PDE1C: variants seen among roughly 807,000 people sequenced by gnomAD.
The protein encoded by PDE1C is phosphodiesterase 1C.
A neutral mutation model predicts 93.1 loss-of-function variants in PDE1C; 62 were observed. The observed-to-expected ratio is 0.67, with a 90% CI of 0.54 to 0.82. The LOEUF (loss-of-function observed/expected upper bound fraction) is 0.82. PDE1C is among the 40% of genes least tolerant of loss of function. The pLI, the probability that PDE1C is intolerant of heterozygous loss-of-function variation, is 0.00. For missense variants in PDE1C, 742 were observed against 884.6 expected (o/e 0.84, Z 2.04); for synonymous variants, 325 against 310.1 (o/e 1.05, Z -0.50).
At chr7:32,345,726 T>A (rs563065860) in intron 1 of PDE1C, among the ~76,000 whole-genome samples, 16 of 152,222 alleles carry the variant, frequency 1.1e-4, no homozygotes, top group Non-Finnish European at 1.8e-4. Context: ...AATATATGGA[T>A]AGTAAATAAA....
At chr7:31,878,953 T>G in intron 4 of PDE1C, 43 bp downstream of exon 4, 2 of 1,570,966 alleles carry the variant, frequency 1.3e-6, no homozygotes, top group Non-Finnish European at 1.7e-6. Flanking sequence ...ACGTGTTGCT[T>G]TGGCTGCTTT....
chr7:31,639,491 C>T, the PDE1C span, among the ~76,000 whole-genome samples: 1 of 150,182 alleles, frequency 6.7e-6, no homozygotes, highest in Non-Finnish European at 1.5e-5. Context: ...TTTCCTCTAG[C>T]TTCTTGAACA....
chr7:32,070,230 C>T lies in PDE1C; in HGVS notation c.101+63G>A, dbSNP rs1795870512. 2.5e-6 allele frequency: 4 copies of T among 1,608,222 alleles called. No homozygotes were observed. The East Asian group carries it at 8.9e-5, about 36-fold the overall frequency. On this transcript the variant is annotated intron_variant, in intron 1 of 17. Transcript: ENST00000396191. ...ACAGGGTGAGCAGTCGTGACTGCGGCTGTGTGGTAAAATAAGGATGGGAGC... is the reference window on the plus strand; with the variant it reads ...ACAGGGTGAGCAGTCGTGACTGCGGTTGTGTGGTAAAATAAGGATGGGAGC...
At chr7:32,209,108 T>C (rs1212592673) in intron 2 of PDE1C, among the ~76,000 whole-genome samples, 1 of 152,234 alleles carries the variant, frequency 6.6e-6, no homozygotes, top group East Asian at 1.9e-4. Flanking sequence ...TCTCAAACTC[T>C]AATGTGAACA....
chr7:31,665,565 C>A, the PDE1C span, among the ~76,000 whole-genome samples: 1 of 152,154 alleles, frequency 6.6e-6, no homozygotes, highest in Admixed American at 6.5e-5. Flanking sequence ...TCTCTATGCA[C>A]AAACAAGGCA....
In PDE1C at chr7:31,872,334, C is replaced by G. The variant is rs190820800; in HGVS notation, c.609+958G>C. 3.4e-3 allele frequency among the ~76,000 whole-genome samples: 511 copies of G among 152,054 alleles called. 5 individuals carry two copies. Among genetic ancestry groups the G allele is most frequent in the Middle Eastern group, 0.014 (4 of 294 alleles). ...GTTCAGTAGCAGAATAGGGTGACTACAGTTAACAAGAATGTATTGTGCATT... is the reference window on the plus strand; with the variant it reads ...GTTCAGTAGCAGAATAGGGTGACTAGAGTTAACAAGAATGTATTGTGCATT... On this transcript the variant is annotated intron_variant, in intron 6 of 17. Transcript: ENST00000396191.
chr7:31,708,839 C>T, the PDE1C span, among the ~76,000 whole-genome samples: 10 of 152,150 alleles, frequency 6.6e-5, no homozygotes, highest in East Asian at 3.9e-4. Context: ...TTAGTGAAGA[C>T]GCATGTTGTA....
intron 3 of PDE1C, among the ~76,000 whole-genome samples, chr7:32,102,938 T>C (rs1563314515): frequency 6.6e-6 from 1 of 152,142 alleles, no homozygotes; most frequent in Non-Finnish European, 1.5e-5. Flanking sequence ...CCCAGATGAC[T>C]TAGGAGTGCA....
At chr7:31,774,875 TTCTTA>T (rs1390738164) in intron 17 of PDE1C, among the ~76,000 whole-genome samples, 1 of 152,214 alleles carries the variant, frequency 6.6e-6, no homozygotes, top group Non-Finnish European at 1.5e-5. Flanking sequence ...ACATTTTTCC[TTCTTA>T]TGTTTATCAT....
At chr7:32,272,428 GA>G (rs1811030965) in intron 1 of PDE1C, among the ~76,000 whole-genome samples, 1 of 152,192 alleles carries the variant, frequency 6.6e-6, no homozygotes, top group Non-Finnish European at 1.5e-5. Context: ...AACTAATGAA[GA>G]TGTCGTTCTC....
intron 2 of PDE1C, among the ~76,000 whole-genome samples, chr7:32,183,777 C>T (rs1358789191): frequency 6.6e-6 from 1 of 152,094 alleles, no homozygotes; most frequent in African/African-American, 2.4e-5. Context: ...AAAGCAAGGG[C>T]AACAAAAGAC....
At chr7:31,959,879 T>G (rs554122524) in intron 2 of PDE1C, among the ~76,000 whole-genome samples, 1 of 152,258 alleles carries the variant, frequency 6.6e-6, no homozygotes, top group Admixed American at 6.5e-5. Context: ...TAATTTTTTT[T>G]TTTTGAGACA....
At chr7:32,286,546 G>A (rs1364568094) in intron 1 of PDE1C, among the ~76,000 whole-genome samples, 1 of 152,204 alleles carries the variant, frequency 6.6e-6, no homozygotes, top group African/African-American at 2.4e-5. Flanking sequence ...AGACACCTCT[G>A]CCAAAATAGG....
At chr7:31,803,750 G>A (rs1305688249) in intron 16 of PDE1C, among the ~76,000 whole-genome samples, 1 of 151,948 alleles carries the variant, frequency 6.6e-6, no homozygotes, top group East Asian at 1.9e-4. Flanking sequence ...TGGCTGCATA[G>A]TATTCCATGG....
chr7:32,276,417 CT>C (rs1474313023), intron 1 of PDE1C, among the ~76,000 whole-genome samples: 1 of 152,194 alleles, frequency 6.6e-6, no homozygotes, highest in African/African-American at 2.4e-5. Flanking sequence ...ACAACATCTC[CT>C]TCAGCTCTCA....
At chr7:32,375,028 G>A (rs927365457) in intron 1 of PDE1C, among the ~76,000 whole-genome samples, 2 of 152,050 alleles carry the variant, frequency 1.3e-5, no homozygotes, top group Non-Finnish European at 2.9e-5. Context: ...AATAAAAAGG[G>A]TAATGTGAGA....
chr7:32,216,512 T>G (rs1806445107), intron 1 of PDE1C, among the ~76,000 whole-genome samples: 1 of 152,144 alleles, frequency 6.6e-6, no homozygotes, highest in African/African-American at 2.4e-5. Flanking sequence ...CCTAGCAATC[T>G]ACCATTCAGA....
At chr7:32,174,033 C>G (rs1386972903) in intron 2 of PDE1C, among the ~76,000 whole-genome samples, 1 of 152,056 alleles carries the variant, frequency 6.6e-6, no homozygotes, top group African/African-American at 2.4e-5. Flanking sequence ...AAAGACAAGA[C>G]AGCTTTTTTT....
At chr7:31,619,714 G>A in the PDE1C span, among the ~76,000 whole-genome samples, 1 of 152,098 alleles carries the variant, frequency 6.6e-6, no homozygotes, top group African/African-American at 2.4e-5. Context: ...TTCCATCTGA[G>A]GTACCAGTTC....
Sources: gnomAD v4.1 joint callset for allele counts (sites outside exome capture counted in the v4.1 genomes callset) on GRCh38, gnomAD v4.1.1 for gene constraint, MANE v1.5 for transcripts, NCBI Gene and HGNC (gene_info 2026-07-23, HGNC 2026-07-21) for gene names.